The following PPARGC1B variants were observed in gnomAD, a reference collection of about 807,000 sequenced individuals.
PPARGC1B encodes PPARG coactivator 1 beta.
Under a neutral mutation model 101.6 loss-of-function variants are expected in PPARGC1B, and 34 were observed. That is an observed-to-expected ratio of 0.33 (90% CI 0.25 to 0.45). The LOEUF (loss-of-function observed/expected upper bound fraction) is 0.45. PPARGC1B is among the 20% of genes least tolerant of loss of function. The pLI, the probability that PPARGC1B is intolerant of heterozygous loss-of-function variation, is 1.00. For synonymous variants in PPARGC1B, 548 were observed against 539.3 expected (o/e 1.02, Z -0.22); for missense variants, 1,234 against 1,317.6 (o/e 0.94, Z 0.98).
intron 7 of PPARGC1B, among the ~76,000 whole-genome samples, chr5:149,835,567 T>C (rs1026760155): frequency 6.6e-6 from 1 of 152,148 alleles, no homozygotes; most frequent in East Asian, 1.9e-4. Context: ...TAAAGAAGAC[T>C]CACTGGGAAT....
intron 1 of PPARGC1B, among the ~76,000 whole-genome samples, chr5:149,757,518 T>C (rs1755575493): frequency 1.3e-5 from 2 of 152,192 alleles, no homozygotes; most frequent in African/African-American, 2.4e-5. Flanking sequence ...CCTCGATAAG[T>C]GGCAGAACCG....
chr5:149,771,781 G>A (rs1756140725), intron 1 of PPARGC1B, among the ~76,000 whole-genome samples: 1 of 152,186 alleles, frequency 6.6e-6, no homozygotes. Context: ...GGTGTGCTGG[G>A]AAATGCATAA....
intron 1 of PPARGC1B, among the ~76,000 whole-genome samples, chr5:149,744,748 G>A (rs1049907418): frequency 6.6e-6 from 1 of 152,310 alleles, no homozygotes; most frequent in East Asian, 1.9e-4. Flanking sequence ...TGAAAATAAG[G>A]TGTTGTCTTT....
chr5:149,781,269 A>C (rs1290086977), intron 1 of PPARGC1B, among the ~76,000 whole-genome samples: 3 of 151,396 alleles, frequency 2.0e-5, no homozygotes, highest in Non-Finnish European at 4.4e-5. Flanking sequence ...TGCCTTGGGC[A>C]GTAGGGAGCT....
chr5:149,834,630 G>T (rs1758966401), intron 5 of PPARGC1B, 44 bp from the exon 6 acceptor site: 2 of 1,587,650 alleles, frequency 1.3e-6, no homozygotes, highest in African/African-American at 1.3e-5. Context: ...ATCTGCTAGT[G>T]ATACCATATT....
At chr5:149,792,465 T>C (rs1581058860) in intron 1 of PPARGC1B, among the ~76,000 whole-genome samples, 1 of 151,896 alleles carries the variant, frequency 6.6e-6, no homozygotes, top group Non-Finnish European at 1.5e-5. Context: ...TGGGACAGGG[T>C]TGGGGATGAG....
At chr5:149,771,319 A>G (rs1297909535) in intron 1 of PPARGC1B, among the ~76,000 whole-genome samples, 1 of 152,236 alleles carries the variant, frequency 6.6e-6, no homozygotes. Flanking sequence ...CCCTGGAAGC[A>G]GGCTCAGGGC....
intron 1 of PPARGC1B, among the ~76,000 whole-genome samples, chr5:149,807,021 A>G (rs1326677385): frequency 6.6e-6 from 1 of 150,760 alleles, no homozygotes; most frequent in Non-Finnish European, 1.5e-5. Context: ...GTGCAGTGGT[A>G]CCATCACAGC....
chr5:149,799,693 G>GTTTTTTTTTTTTTTTTTTTTTTTTTT (rs11371560), intron 1 of PPARGC1B, among the ~76,000 whole-genome samples: 1 of 76,462 alleles, frequency 1.3e-5, no homozygotes, highest in Non-Finnish European at 2.2e-5. Context: ...GCTTGTTGTT[G>GTTTTTTTTTTTTTTTTTTTTTTTTTT]TTTTTTTTTT....
intron 1 of PPARGC1B, among the ~76,000 whole-genome samples, chr5:149,752,049 C>A (rs1755328745): frequency 1.3e-5 from 2 of 152,194 alleles, no homozygotes; most frequent in Non-Finnish European, 2.9e-5. Context: ...GTTGCTACTT[C>A]CCTGTGCATG....
chr5:149,754,076 A>C (rs1755419587), intron 1 of PPARGC1B, among the ~76,000 whole-genome samples: 1 of 152,238 alleles, frequency 6.6e-6, no homozygotes, highest in Admixed American at 6.5e-5. Context: ...GTAGAAATGC[A>C]TAAGAAGTGT....
chr5:149,824,471 C>T (rs1333574129), intron 2 of PPARGC1B, among the ~76,000 whole-genome samples: 1 of 152,192 alleles, frequency 6.6e-6, no homozygotes, highest in East Asian at 1.9e-4. Flanking sequence ...TTACTGCTTC[C>T]AGACTTGGCC....
At chr5:149,812,370 A>G (rs887290615) in intron 1 of PPARGC1B, among the ~76,000 whole-genome samples, 5 of 151,602 alleles carry the variant, frequency 3.3e-5, no homozygotes, top group Non-Finnish European at 7.4e-5. Context: ...TACTCTCCCC[A>G]CTCTTCTCCT....
intron 1 of PPARGC1B, among the ~76,000 whole-genome samples, chr5:149,740,502 G>A (rs938683424): frequency 1.3e-5 from 2 of 152,132 alleles, no homozygotes; most frequent in Non-Finnish European, 2.9e-5. Context: ...GGCAGGTGAC[G>A]AGGGATCCCA....
chr5:149,759,623 G>A (rs1755651220), intron 1 of PPARGC1B, among the ~76,000 whole-genome samples: 1 of 152,182 alleles, frequency 6.6e-6, no homozygotes, highest in Admixed American at 6.5e-5. Context: ...CCCTGGGCTG[G>A]GGTGGGTTGG....
chr5:149,732,723 C>T, intron 1 of PPARGC1B: 1 of 456,064 alleles, frequency 2.2e-6, no homozygotes, highest in South Asian at 1.6e-5. Context: ...AGGACCTGGG[C>T]GGGCCCAGTG....
intron 4 of PPARGC1B, among the ~76,000 whole-genome samples, chr5:149,831,482 G>T (rs1195577074): frequency 6.6e-6 from 1 of 152,162 alleles, no homozygotes; most frequent in African/African-American, 2.4e-5. Flanking sequence ...GGCAGAATCG[G>T]GACCTCTCAG....
Position 149,836,871 on chromosome 5 carries a change from C to G in PPARGC1B, c.2416C>G (p.Pro806Ala). 6.2e-7 allele frequency: 1 copy of G among 1,612,958 alleles called. No homozygotes were observed. The highest frequency in any genetic ancestry group is 1.1e-5 in the South Asian group (1 of 91,076). Residue 806 changes from proline to alanine, a missense_variant, in exon 8 of 12, where the codon CCA (proline) becomes GCA (alanine). Pro to Ala is a conservative substitution (Grantham distance 27). Around this residue, in one of 3 missense-constraint regions of PPARGC1B, gnomAD observed 497 missense variants for 529.5 expected, o/e 0.94. Coordinates refer to ENST00000309241, the MANE Select transcript of PPARGC1B (RefSeq NM_133263.4). ...CAGCAGCGGCGAGAGCAGCTTCCTC[C>G]CAGAGGAGGAAGAGGAAGAAGGGGA... ...SSSSGESSFL[P>A]EEEEEEGEEE...
intron 1 of PPARGC1B, among the ~76,000 whole-genome samples, chr5:149,744,908 C>CTT (rs34363116): frequency 0.014 from 1,839 of 132,844 alleles, 32 homozygotes; most frequent in African/African-American, 0.027. Flanking sequence ...AGCTTTGTGA[C>CTT]TTTTTTTTTT....
Sources: gnomAD v4.1 joint callset for allele counts (sites outside exome capture counted in the v4.1 genomes callset) on GRCh38, gnomAD v4.1.1 for gene constraint, gnomAD v4.1.1 regional missense constraint, MANE v1.5 for transcripts, NCBI Gene and HGNC (gene_info 2026-07-23, HGNC 2026-07-21) for gene names.